RYR3: variants seen among roughly 807,000 people sequenced by gnomAD.
RYR3 encodes the protein ryanodine receptor 3, also known as brain ryanodine receptor-calcium release channel.
A neutral mutation model predicts 584.3 loss-of-function variants in RYR3; 207 were observed. The observed-to-expected ratio is 0.35, with a 90% CI of 0.32 to 0.40. The LOEUF (loss-of-function observed/expected upper bound fraction) is 0.40. RYR3 is among the 10% of genes least tolerant of loss of function. The pLI is 1.00. For synonymous variants in RYR3, 2,416 were observed against 2,248.5 expected (o/e 1.07, Z -2.11); for missense variants, 5,616 against 6,089.2 (o/e 0.92, Z 2.59).
At chr15:33,801,622 T>C (rs375510831) in intron 68 of RYR3, among the ~76,000 whole-genome samples, 1 of 151,124 alleles carries the variant, frequency 6.6e-6, no homozygotes, top group Non-Finnish European at 1.5e-5. Context: ...AGAGTCTATT[T>C]TGTCTTAAGA....
intron 38 of RYR3, among the ~76,000 whole-genome samples, chr15:33,673,368 T>C (rs114134703): frequency 7.0e-4 from 106 of 152,328 alleles, no homozygotes; most frequent in African/African-American, 2.5e-3. Flanking sequence ...GTCCTGAAAC[T>C]CACATTCTGA....
chr15:33,775,033 A>G (rs2073896340), intron 64 of RYR3, among the ~76,000 whole-genome samples: 1 of 136,998 alleles, frequency 7.3e-6, no homozygotes, highest in South Asian at 2.2e-4. Context: ...TCTTCTCTTG[A>G]AAAAAAAAAA....
intron 98 of RYR3, among the ~76,000 whole-genome samples, chr15:33,855,204 C>G (rs1007256770): frequency 3.4e-5 from 5 of 147,480 alleles, no homozygotes; most frequent in Admixed American, 1.4e-4. Context: ...CCTTGGAGAT[C>G]TTTTTTTTTT....
chr15:33,365,673 G>A (rs1975391926), intron 1 of RYR3, among the ~76,000 whole-genome samples: 1 of 152,138 alleles, frequency 6.6e-6, no homozygotes, highest in African/African-American at 2.4e-5. Context: ...TTTCTAAAAG[G>A]ATAGAGCTCA....
chr15:33,530,163 T>C (rs921993913), intron 3 of RYR3, among the ~76,000 whole-genome samples: 1 of 152,244 alleles, frequency 6.6e-6, no homozygotes, highest in Middle Eastern at 3.2e-3. Context: ...GGGAAAAGAC[T>C]GCATGGCACA....
chr15:33,659,836 A>G (rs1469223424), intron 33 of RYR3, 30 bp downstream of exon 33: 3 of 1,436,758 alleles, frequency 2.1e-6, no homozygotes, highest in Non-Finnish European at 2.9e-6. Flanking sequence ...TCTAATGGCC[A>G]TGACAAGAGA....
intron 2 of RYR3, among the ~76,000 whole-genome samples, chr15:33,499,771 C>T (rs371174679): frequency 4.6e-5 from 7 of 152,248 alleles, no homozygotes; most frequent in East Asian, 3.9e-4. Flanking sequence ...AGCGAATAGT[C>T]GATCAGAGAT....
Position 33,844,858 on chromosome 15 carries a change from C to T in RYR3, c.13297-4C>T. ...TTAATAAGCGAGTGTGTATTTTGAG[C>T]CAGGTCACTGAAGAACCTTTAGAAG... On this transcript the variant is annotated splice_region_variant and splice_polypyrimidine_tract_variant and intron_variant, in intron 92 of 103. Transcript: ENST00000634891. The T allele has an allele frequency of 6.2e-7, 1 of 1,612,218 alleles. No homozygotes were observed. Among genetic ancestry groups the T allele is most frequent in the Non-Finnish European group, 8.5e-7 (1 of 1,178,952 alleles).
In RYR3 at chr15:33,636,506, A is replaced by G; in HGVS notation, c.3512A>G (p.Asn1171Ser). Residue 1171 changes from asparagine (N) to serine (S), a missense_variant, in exon 27 of 104, where the codon AAC becomes AGC. This residue lies in a region of RYR3 where 152 missense variants were observed against 200.9 expected (regional missense o/e 0.76). Coordinates refer to ENST00000634891, the MANE Select transcript of RYR3 (RefSeq NM_001036.6). ...CTGAATGGGGAGCTGCTGATCACCA[A>G]CAAAGGCTCTGAACTTGCCTTCGCT... ...FTLNGELLITNKGSELAFADY... is the reference protein window; with the variant it reads ...FTLNGELLITSKGSELAFADY... The G allele has an allele frequency of 1.9e-6, 3 of 1,611,398 alleles. No individual in the cohort carries two copies. Among genetic ancestry groups the G allele is most frequent in the Non-Finnish European group, 2.5e-6 (3 of 1,178,890 alleles).
At chr15:33,368,387 G>A (rs188512137) in intron 1 of RYR3, among the ~76,000 whole-genome samples, 3 of 130,702 alleles carry the variant, frequency 2.3e-5, no homozygotes, top group Admixed American at 1.7e-4. Context: ...CTTACTACAA[G>A]GTCTGGATAA....
chr15:33,584,117 A>G lies in RYR3; in HGVS notation c.1574-278A>G, dbSNP rs2058724772. Among the ~76,000 whole-genome samples the G allele has an allele frequency of 2.0e-5, 3 of 152,260 alleles. No individual in the cohort carries two copies. In the South Asian group the frequency reaches 6.2e-4, roughly 32 times the overall value. ...GCTGGGCATGGTGGTGCATGCCTGTAGTCTCAGCTACTCTGGAGGCTGAGG... is the reference window on the plus strand; with the variant it reads ...GCTGGGCATGGTGGTGCATGCCTGTGGTCTCAGCTACTCTGGAGGCTGAGG... On this transcript the variant is annotated intron_variant, in intron 14 of 103. Transcript: ENST00000634891.
chr15:33,590,398 G>C (rs2059072086), intron 16 of RYR3, among the ~76,000 whole-genome samples: 1 of 152,174 alleles, frequency 6.6e-6, no homozygotes, highest in African/African-American at 2.4e-5. Flanking sequence ...TTCTTTTTTG[G>C]TTACATATGA....
intron 3 of RYR3, among the ~76,000 whole-genome samples, chr15:33,527,911 G>T (rs1203030140): frequency 3.3e-5 from 5 of 152,262 alleles, no homozygotes; most frequent in Non-Finnish European, 5.9e-5. Context: ...ACTGGCAGGC[G>T]CAAGGTGCTG....
chr15:33,460,368 T>C (rs1030669450), intron 1 of RYR3, among the ~76,000 whole-genome samples: 3 of 152,224 alleles, frequency 2.0e-5, no homozygotes, highest in East Asian at 1.9e-4. Context: ...GATGGACATA[T>C]TGCAACTCTT....
intron 5 of RYR3, 148 bp downstream of exon 5, chr15:33,533,537 C>G (rs2096799146): frequency 5.1e-6 from 3 of 593,806 alleles, no homozygotes; most frequent in East Asian, 2.8e-5. Flanking sequence ...GAATAATGAA[C>G]TAGAGAAAGA....
At chr15:33,668,275 C>G (rs1447732649) in intron 36 of RYR3, among the ~76,000 whole-genome samples, 1 of 151,970 alleles carries the variant, frequency 6.6e-6, no homozygotes, top group Non-Finnish European at 1.5e-5. Flanking sequence ...CGGGATTGTG[C>G]CACTGCACTC....
intron 1 of RYR3, among the ~76,000 whole-genome samples, chr15:33,336,330 G>A (rs1970958701): frequency 6.6e-6 from 1 of 151,626 alleles, no homozygotes; most frequent in Admixed American, 6.6e-5. Flanking sequence ...TACTCGGGAG[G>A]CTGAGGCAGG....
At position 33,816,956 on chromosome 15, in the gene RYR3, G is replaced by A. The variant is rs2076846585; in HGVS notation, c.10597G>A (p.Ala3533Thr). Reference sequence around the variant, plus strand: ...TGAAGAGAAACTAGTACAGGATTTGGCTGTAAGTACTGACTCCCCTGGGAG... The same window carrying A: ...TGAAGAGAAACTAGTACAGGATTTGACTGTAAGTACTGACTCCCCTGGGAG... The part of the protein sequence containing the change: ...SFEEKLVQDL[A>T]KSPKVEEEEE... The change falls in exon 75 of 104, where the codon GCT (alanine) becomes ACT (threonine). Residue 3533 changes from alanine (A) to threonine (T), a missense_variant and splice_region_variant. This residue lies in a region of RYR3 where 954 missense variants were observed against 1,132.2 expected (regional missense o/e 0.84). Coordinates refer to ENST00000634891, the MANE Select transcript of RYR3 (RefSeq NM_001036.6). The A allele has an allele frequency of 6.3e-7, 1 of 1,591,164 alleles. No individual in the cohort carries two copies. The highest frequency in any genetic ancestry group is 8.6e-7 in the Non-Finnish European group (1 of 1,162,002).
At chr15:33,823,212 T>A in intron 81 of RYR3, 140 bp downstream of exon 81, 1 of 626,468 alleles carries the variant, frequency 1.6e-6, no homozygotes, top group Non-Finnish European at 2.7e-6. Flanking sequence ...GCTAAGAGAG[T>A]AGGTGTTGTT....
Sources: gnomAD v4.1 joint callset for allele counts (sites outside exome capture counted in the v4.1 genomes callset) on GRCh38, gnomAD v4.1.1 for gene constraint, gnomAD v4.1.1 regional missense constraint, MANE v1.5 for transcripts, NCBI Gene and HGNC (gene_info 2026-07-23, HGNC 2026-07-21) for gene names.